SGCZ: variants seen among roughly 807,000 people sequenced by gnomAD.
SGCZ encodes sarcoglycan zeta.
SGCZ carries 40 observed loss-of-function variants against 41.3 expected under a neutral mutation model. The ratio of observed to expected loss-of-function variants is 0.97; its 90% CI spans 0.75 to 1.26. The LOEUF is 1.26. SGCZ is among the 50% of genes most tolerant of loss of function. The probability of loss-of-function intolerance (pLI) is 0.00; values close to 1 mark genes in which losing one functional copy is unlikely to be tolerated. For missense variants in SGCZ, 552 were observed against 369.8 expected, an observed-to-expected ratio of 1.49 and a Z score of -4.04; for synonymous variants, 206 against 137.5, an observed-to-expected ratio of 1.50 and a Z score of -3.49.
At chr8:14,901,720 G>C (rs1341566213) in intron 1 of SGCZ, among the ~76,000 whole-genome samples, 1 of 152,062 alleles carries the variant, frequency 6.6e-6, no homozygotes, top group Non-Finnish European at 1.5e-5. Flanking sequence ...AATGCCTAAA[G>C]CTGTGTCAAG....
intron 1 of SGCZ, among the ~76,000 whole-genome samples, chr8:14,723,401 TG>T (rs1009702033): frequency 1.1e-4 from 16 of 152,142 alleles, no homozygotes; most frequent in Non-Finnish European, 2.1e-4. Flanking sequence ...GGATCCTAGC[TG>T]CAGAGGACCC....
intron 1 of SGCZ, among the ~76,000 whole-genome samples, chr8:14,775,756 A>G (rs1800384034): frequency 6.6e-6 from 1 of 152,204 alleles, no homozygotes; most frequent in Non-Finnish European, 1.5e-5. Context: ...TAATTTTCAA[A>G]AAGGTAAAAA....
rs530938883 is a variant in SGCZ, at chr8:14,206,090, CA to C, written c.424+31501del. On this transcript the variant is annotated intron_variant, in intron 4 of 7. Transcript: ENST00000382080. ...AACATTTCTCTACCATTTAACAAAGCAAAAAAATATATTTTGATGTACAAAT... is the reference window on the plus strand; with the variant it reads ...AACATTTCTCTACCATTTAACAAAGCAAAAAATATATTTTGATGTACAAAT... Among the ~76,000 whole-genome samples the C allele has an allele frequency of 6.6e-5, 10 of 151,830 alleles. No individual in the cohort carries two copies. The South Asian group carries it at 1.0e-3, about 16-fold the overall frequency.
At chr8:15,203,396 C>G (rs972041945) in intron 1 of SGCZ, among the ~76,000 whole-genome samples, 1 of 151,962 alleles carries the variant, frequency 6.6e-6, no homozygotes, top group Non-Finnish European at 1.5e-5. Flanking sequence ...GTGTACAAAC[C>G]CCGTGAGGCC....
intron 2 of SGCZ, among the ~76,000 whole-genome samples, chr8:14,325,745 CACATATATATATATATATATATAT>C (rs1468378788): frequency 1.5e-3 from 38 of 25,510 alleles, no homozygotes; most frequent in African/African-American, 3.0e-3. Context: ...CACACACACA[CACATATATATATATATATATATAT>C]ATATATATAT....
At chr8:14,532,603 G>T (rs1427780424) in intron 2 of SGCZ, among the ~76,000 whole-genome samples, 1 of 150,628 alleles carries the variant, frequency 6.6e-6, no homozygotes, top group Non-Finnish European at 1.5e-5. Flanking sequence ...TGATAATAAT[G>T]CAAAAATGTA....
chr8:14,803,081 C>T (rs1234726680), intron 1 of SGCZ, among the ~76,000 whole-genome samples: 6 of 152,166 alleles, frequency 3.9e-5, no homozygotes, highest in African/African-American at 1.4e-4. Flanking sequence ...ATTATTTTAC[C>T]ACCCATGGGG....
At chr8:14,301,403 A>G (rs1473661606) in intron 3 of SGCZ, among the ~76,000 whole-genome samples, 8 of 152,014 alleles carry the variant, frequency 5.3e-5, no homozygotes, top group Non-Finnish European at 8.8e-5. Flanking sequence ...TGAAAAGCCT[A>G]ACATCTTTAC....
At chr8:15,155,028 AC>A (rs1446389415) in intron 1 of SGCZ, among the ~76,000 whole-genome samples, 10 of 152,124 alleles carry the variant, frequency 6.6e-5, no homozygotes, top group African/African-American at 2.4e-4. Context: ...ATGGTAGCTC[AC>A]CCCTGAGATC....
chr8:14,613,531 T>A (rs577899725), intron 1 of SGCZ, among the ~76,000 whole-genome samples: 158 of 152,294 alleles, frequency 1.0e-3, no homozygotes, highest in Middle Eastern at 0.01. Context: ...TAGTATTTTG[T>A]TTCCTACTTG....
chr8:14,129,685 C>T (rs555651873), intron 5 of SGCZ, among the ~76,000 whole-genome samples: 5 of 151,664 alleles, frequency 3.3e-5, no homozygotes, highest in African/African-American at 2.4e-5. Context: ...TGTTTCTATA[C>T]GTCATTAAAA....
At chr8:15,041,420 T>A (rs1251186995) in intron 1 of SGCZ, among the ~76,000 whole-genome samples, 1 of 152,018 alleles carries the variant, frequency 6.6e-6, no homozygotes, top group Non-Finnish European at 1.5e-5. Context: ...AAAGTCTATG[T>A]TTTGCAATAA....
At chr8:14,709,491 C>T (rs1363906510) in intron 1 of SGCZ, among the ~76,000 whole-genome samples, 1 of 152,138 alleles carries the variant, frequency 6.6e-6, no homozygotes, top group East Asian at 1.9e-4. Context: ...CTAAAACCAT[C>T]TCTTGGAGGA....
At position 14,765,925 on chromosome 8, in the gene SGCZ, C is replaced by A. The variant is rs983815875; in HGVS notation, c.40-210999G>T. 2.0e-5 allele frequency among the ~76,000 whole-genome samples: 3 copies of A among 151,054 alleles called. No homozygotes were observed. The South Asian group carries it at 6.2e-4, about 31-fold the overall frequency. Reference sequence around the variant, plus strand: ...AGGCACATCATCACTGTCATTACCACATTTACCAGTTATTTATGGAACAAC... The same window carrying A: ...AGGCACATCATCACTGTCATTACCAAATTTACCAGTTATTTATGGAACAAC... On this transcript the variant is annotated intron_variant, in intron 1 of 7. Coordinates refer to ENST00000382080, the MANE Select transcript of SGCZ (RefSeq NM_139167.4).
At chr8:14,500,435 C>T (rs762368134) in intron 2 of SGCZ, among the ~76,000 whole-genome samples, 36 of 123,094 alleles carry the variant, frequency 2.9e-4, no homozygotes, top group Non-Finnish European at 3.8e-5. Flanking sequence ...TTTGTCTTTC[C>T]AGTTACTTTT....
intron 3 of SGCZ, among the ~76,000 whole-genome samples, chr8:14,243,413 T>A (rs894835586): frequency 3.3e-5 from 5 of 152,200 alleles, no homozygotes; most frequent in African/African-American, 1.2e-4. Context: ...AAAACTCACA[T>A]CGCAATAACC....
intron 2 of SGCZ, among the ~76,000 whole-genome samples, chr8:14,382,591 A>G (rs1804408365): frequency 1.3e-5 from 2 of 152,118 alleles, no homozygotes; most frequent in Non-Finnish European, 2.9e-5. Context: ...TGTGCCACAC[A>G]ATCATTATTG....
At chr8:15,215,336 C>T (rs1038007339) in intron 1 of SGCZ, among the ~76,000 whole-genome samples, 4 of 152,112 alleles carry the variant, frequency 2.6e-5, no homozygotes, top group African/African-American at 9.7e-5. Flanking sequence ...ATTTGGTATA[C>T]GCAAGAAGAA....
At chr8:15,148,821 G>T (rs559300541) in intron 1 of SGCZ, among the ~76,000 whole-genome samples, 1 of 152,132 alleles carries the variant, frequency 6.6e-6, no homozygotes, top group South Asian at 2.1e-4. Flanking sequence ...CATATTAACT[G>T]CCAGGAAAGA....
Sources: gnomAD v4.1 joint callset for allele counts (sites outside exome capture counted in the v4.1 genomes callset) on GRCh38, gnomAD v4.1.1 for gene constraint, MANE v1.5 for transcripts, NCBI Gene and HGNC (gene_info 2026-07-23, HGNC 2026-07-21) for gene names.